The following ABI2 variants were observed in gnomAD, a reference collection of about 807,000 sequenced individuals.
ABI2 encodes abelson interactor 2.
Under a neutral mutation model 59.2 loss-of-function variants are expected in ABI2, and 25 were observed. The ratio of observed to expected loss-of-function variants is 0.42; its 90% CI spans 0.31 to 0.59. The LOEUF is 0.59. Among genes scored for constraint, ABI2 ranks in the 20% least tolerant of loss-of-function variants. The probability of loss-of-function intolerance (pLI) is 0.14; values close to 1 mark genes in which losing one functional copy is unlikely to be tolerated. For missense variants in ABI2, 545 were observed against 681.8 expected, an observed-to-expected ratio of 0.80 and a Z score of 2.23; for synonymous variants, 213 against 235.5, an observed-to-expected ratio of 0.90 and a Z score of 0.87.
chr2:203,417,182 C>G (rs1336729820), intron 11 of ABI2, 101 bp downstream of exon 11: 1 of 1,084,670 alleles, frequency 9.2e-7, no homozygotes, highest in African/African-American at 1.6e-5. Flanking sequence ...AAGTGAAGTT[C>G]TATTTATTTG....
chr2:203,356,919 A>G (rs970299640), intron 1 of ABI2, among the ~76,000 whole-genome samples: 8 of 151,946 alleles, frequency 5.3e-5, no homozygotes, highest in Admixed American at 4.6e-4. Flanking sequence ...TATACTTCAC[A>G]TTGTTCCTGT....
At chr2:203,374,080 G>A (rs1481524116) in intron 2 of ABI2, among the ~76,000 whole-genome samples, 1 of 152,058 alleles carries the variant, frequency 6.6e-6, no homozygotes, top group South Asian at 2.1e-4. Flanking sequence ...TATCACTTGA[G>A]CCCAGGTGGT....
At chr2:203,399,757 C>T (rs889994924) in intron 8 of ABI2, among the ~76,000 whole-genome samples, 62 of 152,266 alleles carry the variant, frequency 4.1e-4, no homozygotes, top group African/African-American at 1.4e-3. Context: ...TCAGGTGATC[C>T]GCCCGCCTCA....
chr2:203,353,928 A>G (rs1281320111), intron 1 of ABI2, among the ~76,000 whole-genome samples: 1 of 152,088 alleles, frequency 6.6e-6, no homozygotes, highest in Non-Finnish European at 1.5e-5. Context: ...GCTTTCTTAT[A>G]TTTCTTCCTA....
chr2:203,341,033 C>CAGG (rs754118060), intron 1 of ABI2, among the ~76,000 whole-genome samples: 1 of 152,174 alleles, frequency 6.6e-6, no homozygotes, highest in Non-Finnish European at 1.5e-5. Flanking sequence ...TGCCCTCTGC[C>CAGG]AGGAGTACTC....
intron 1 of ABI2, among the ~76,000 whole-genome samples, chr2:203,357,134 TTTG>T (rs2092327590): frequency 6.6e-6 from 1 of 152,230 alleles, no homozygotes; most frequent in Admixed American, 6.5e-5. Context: ...AAATTTGTGA[TTTG>T]TTACTTTTTA....
At chr2:203,389,258 GT>G (rs2096651444) in intron 4 of ABI2, among the ~76,000 whole-genome samples, 1 of 152,118 alleles carries the variant, frequency 6.6e-6, no homozygotes, top group Non-Finnish European at 1.5e-5. Flanking sequence ...ACTTGATAAT[GT>G]TTGTTTTTAT....
At chr2:203,372,526 C>T (rs922635693) in intron 2 of ABI2, among the ~76,000 whole-genome samples, 3 of 151,696 alleles carry the variant, frequency 2.0e-5, no homozygotes, top group African/African-American at 7.2e-5. Flanking sequence ...CGCCCCTCAT[C>T]TCCCAGACGG....
Position 203,382,400 on chromosome 2 carries a change from T to C in ABI2, c.480+194T>C, listed in dbSNP as rs894349703. On this transcript the variant is annotated intron_variant, in intron 4 of 11. Coordinates refer to ENST00000261018, the MANE Select transcript of ABI2 (RefSeq NM_001375670.1). ...AGGGCAGATATTTTTGTCTGTTTTGTTCACTGCTCTATCCTTGTGCCTAGA... is the reference window on the plus strand; with the variant it reads ...AGGGCAGATATTTTTGTCTGTTTTGCTCACTGCTCTATCCTTGTGCCTAGA... Among the ~76,000 whole-genome samples the C allele has an allele frequency of 7.2e-5, 11 of 152,236 alleles. No homozygotes were observed. In the East Asian group the frequency reaches 1.9e-3, roughly 27 times the overall value.
At chr2:203,363,462 C>G (rs1043217509) in intron 1 of ABI2, among the ~76,000 whole-genome samples, 6 of 151,832 alleles carry the variant, frequency 4.0e-5, no homozygotes, top group African/African-American at 1.2e-4. Context: ...TTCTCACTTT[C>G]CCCCTACTCC....
intron 2 of ABI2, among the ~76,000 whole-genome samples, chr2:203,371,352 A>G (rs1026855339): frequency 6.6e-6 from 1 of 152,248 alleles, no homozygotes; most frequent in East Asian, 1.9e-4. Context: ...AAACAAAGTA[A>G]TAACCCACTC....
In ABI2 at chr2:203,427,613, C is replaced by G; in HGVS notation, c.*261C>G. 3.0e-6 allele frequency: 1 copy of G among 328,388 alleles called. No individual in the cohort carries two copies. The highest frequency in any genetic ancestry group is 5.6e-6 in the Non-Finnish European group (1 of 177,002). 20.3% of individuals were successfully genotyped at this position (328,388 alleles called of 1,614,324 possible). A position where few individuals can be genotyped will look rare whatever the true frequency, so the allele number is the denominator to read the frequency against. Reference sequence around the variant, plus strand: ...ATTTTTATGTATGTCAAAGGTATAACAGCATAACTGTGTAGCCAAAACAAA... The same window carrying G: ...ATTTTTATGTATGTCAAAGGTATAAGAGCATAACTGTGTAGCCAAAACAAA... On this transcript the variant is annotated 3_prime_UTR_variant, in exon 12 of 12. Coordinates refer to ENST00000261018, the MANE Select transcript of ABI2 (RefSeq NM_001375670.1).
chr2:203,396,459 TGTTA>T (rs1032356779), intron 7 of ABI2, among the ~76,000 whole-genome samples: 3 of 152,214 alleles, frequency 2.0e-5, no homozygotes, highest in African/African-American at 7.2e-5. Context: ...TAGTGTATTA[TGTTA>T]GTTTTGTATA....
chr2:203,408,956 A>G (rs1477264905), intron 9 of ABI2, among the ~76,000 whole-genome samples: 8 of 144,632 alleles, frequency 5.5e-5, no homozygotes, highest in African/African-American at 2.0e-4. Context: ...CTCCTGCCTC[A>G]GCCTCCCGAG....
intron 4 of ABI2, among the ~76,000 whole-genome samples, chr2:203,389,174 A>G (rs1183173047): frequency 1.3e-5 from 2 of 152,168 alleles, no homozygotes; most frequent in Admixed American, 6.5e-5. Flanking sequence ...TGGCATTTTC[A>G]TTTTAAGATA....
intron 1 of ABI2, among the ~76,000 whole-genome samples, chr2:203,357,983 G>C (rs759234811): frequency 1.3e-5 from 2 of 151,506 alleles, no homozygotes; most frequent in African/African-American, 4.9e-5. Flanking sequence ...TGACCAGGCT[G>C]TCTCGAACTC....
At chr2:203,379,772 G>T (rs1359217927) in intron 2 of ABI2, among the ~76,000 whole-genome samples, 1 of 152,164 alleles carries the variant, frequency 6.6e-6, no homozygotes, top group Non-Finnish European at 1.5e-5. Context: ...TTCAGTTTTT[G>T]TGGGCCATAC....
At chr2:203,362,786 G>A (rs985915940) in intron 1 of ABI2, among the ~76,000 whole-genome samples, 2 of 151,134 alleles carry the variant, frequency 1.3e-5, no homozygotes, top group African/African-American at 4.9e-5. Flanking sequence ...CTTGGCCTCC[G>A]AAAGTGCTAG....
intron 11 of ABI2, among the ~76,000 whole-genome samples, chr2:203,425,553 C>T (rs929630032): frequency 1.3e-5 from 2 of 152,108 alleles, no homozygotes; most frequent in Admixed American, 6.5e-5. Context: ...TAAAAAAACA[C>T]TAGAAAATAT....
Sources: allele counts gnomAD v4.1 joint callset (sites outside exome capture counted in the v4.1 genomes callset), GRCh38; gene constraint gnomAD v4.1.1; transcripts MANE v1.5; gene names NCBI Gene and HGNC (gene_info 2026-07-23, HGNC 2026-07-21).